Variants in TNR observed in about 807,000 individuals in gnomAD.
TNR encodes tenascin-R.
In TNR, 45 loss-of-function variants were observed where a neutral mutation model predicts 150.4. The observed-to-expected ratio is 0.30, with a 90% CI of 0.24 to 0.38. The LOEUF is 0.38. Among genes scored for constraint, TNR ranks in the 10% least tolerant of loss-of-function variants. TNR has a pLI of 1.00. For missense variants in TNR, 1,544 were observed against 1,759.1 expected, an observed-to-expected ratio of 0.88 and a Z score of 2.19; for synonymous variants, 687 against 678.4, an observed-to-expected ratio of 1.01 and a Z score of -0.20.
At chr1:175,406,098 G>C (rs61808374) in intron 3 of TNR, 118 bp downstream of exon 3, 92,689 of 1,359,406 alleles carry the variant, frequency 0.068, 3,637 homozygotes, top group Middle Eastern at 0.15. Flanking sequence ...GAGATGCCGG[G>C]GTTTTGCTGG....
chr1:175,373,698 G>A (rs528981168), intron 9 of TNR, among the ~76,000 whole-genome samples: 14 of 152,286 alleles, frequency 9.2e-5, no homozygotes, highest in African/African-American at 3.4e-4. Context: ...TTGTCATATA[G>A]GAGCATCCCT....
At chr1:175,671,928 T>TGC (rs1308370951) in intron 1 of TNR, among the ~76,000 whole-genome samples, 1 of 151,610 alleles carries the variant, frequency 6.6e-6, no homozygotes, top group African/African-American at 2.4e-5. Context: ...TGTGTGTGTG[T>TGC]GTGTGTGTGT....
In TNR at chr1:175,709,308, T is replaced by TACACACACACACACAC. The variant is rs371591261; in HGVS notation, c.-165+33902_-165+33917dup. ...TCCCTTGCTTTCACACACACACACA[T>TACACACACACACACAC]ACACACACACACACACACACACACA... On this transcript the variant is annotated intron_variant, in intron 1 of 22. Coordinates refer to ENST00000367674, the MANE Select transcript of TNR (RefSeq NM_003285.3). 1.8e-3 allele frequency among the ~76,000 whole-genome samples: 226 copies of TACACACACACACACAC among 127,822 alleles called. 5 individuals are homozygous for TACACACACACACACAC. The highest frequency in any genetic ancestry group is 6.2e-3 in the African/African-American group (202 of 32,668). The allele number at this position is 127,822 out of a possible 152,430, so 83.9% of individuals were successfully genotyped here. A position where few individuals can be genotyped will look rare whatever the true frequency, so the allele number is the denominator to read the frequency against.
At chr1:175,724,225 G>C (rs1045151396) in intron 1 of TNR, among the ~76,000 whole-genome samples, 1 of 152,190 alleles carries the variant, frequency 6.6e-6, no homozygotes, top group Non-Finnish European at 1.5e-5. Flanking sequence ...AGTTCTGCAG[G>C]CTGTACAGGA....
chr1:175,565,301 C>T (rs1306483633), intron 1 of TNR, among the ~76,000 whole-genome samples: 1 of 152,178 alleles, frequency 6.6e-6, no homozygotes, highest in Admixed American at 6.5e-5. Flanking sequence ...CCCATCCCCA[C>T]CAGAGGTGAC....
chr1:175,379,611 T>C lies in TNR; in HGVS notation c.1904A>G (p.Gln635Arg), dbSNP rs1652579478. Residue 635 changes from glutamine to arginine, a missense_variant, in exon 9 of 23, where the codon CAA (glutamine) becomes CGA (arginine). This residue lies in a region of TNR where 1,254 missense variants were observed against 1,329.4 expected (regional missense o/e 0.94). Transcript: ENST00000367674. ...KVVYSTLAGE[Q>R]YHEVLVPRGI... Reference sequence around the variant, plus strand: ...CCTGGGGACCAGTACCTCATGATATTGCTCACCCGCCAGGGTGCTGTACAC... The same window carrying C: ...CCTGGGGACCAGTACCTCATGATATCGCTCACCCGCCAGGGTGCTGTACAC... The C allele has an allele frequency of 1.9e-6, 3 of 1,613,990 alleles. No homozygotes were observed. In the South Asian group the frequency reaches 3.3e-5, roughly 18 times the overall value.
rs537398911 is a variant in TNR at position 175,696,839 on chromosome 1, A to T, written c.-165+46387T>A. The stretch of plus-strand genomic sequence containing the variant: ...GGTTACAGTGGGCCGAGATCGTGCC[A>T]TTGCACTTCAGCCTGGGCAACAAGA... On this transcript the variant is annotated intron_variant, in intron 1 of 22. Coordinates refer to ENST00000367674, the MANE Select transcript of TNR (RefSeq NM_003285.3). Among the ~76,000 whole-genome samples the T allele has an allele frequency of 2.3e-4, 35 of 150,180 alleles. No homozygotes were observed. The South Asian group carries it at 6.7e-3, about 29-fold the overall frequency.
At chr1:175,594,991 C>T (rs1662952915) in intron 1 of TNR, among the ~76,000 whole-genome samples, 1 of 151,628 alleles carries the variant, frequency 6.6e-6, no homozygotes, top group Non-Finnish European at 1.5e-5. Context: ...ATGGTGAAAC[C>T]CTGTCTCTAC....
At chr1:175,584,145 A>G (rs967297133) in intron 1 of TNR, among the ~76,000 whole-genome samples, 2 of 152,196 alleles carry the variant, frequency 1.3e-5, no homozygotes, top group African/African-American at 4.8e-5. Context: ...CCCCATTTGG[A>G]GACAGGATTT....
At chr1:175,714,247 C>G (rs1667094195) in intron 1 of TNR, among the ~76,000 whole-genome samples, 1 of 152,140 alleles carries the variant, frequency 6.6e-6, no homozygotes, top group Non-Finnish European at 1.5e-5. Context: ...CCCATGCTTT[C>G]TGCCTTCCCA....
intron 1 of TNR, among the ~76,000 whole-genome samples, chr1:175,560,360 C>A (rs1165166887): frequency 2.0e-5 from 3 of 152,218 alleles, no homozygotes; most frequent in African/African-American, 7.2e-5. Context: ...TGATTTATGA[C>A]AAGATGTTCT....
chr1:175,643,659 T>C (rs559911214), intron 1 of TNR, among the ~76,000 whole-genome samples: 1 of 152,328 alleles, frequency 6.6e-6, no homozygotes, highest in South Asian at 2.1e-4. Flanking sequence ...TAGAGAACTT[T>C]TAATTATTTT....
At chr1:175,483,969 C>T (rs139866085) in intron 2 of TNR, among the ~76,000 whole-genome samples, 1,678 of 152,310 alleles carry the variant, frequency 0.011, 17 homozygotes, top group Middle Eastern at 0.027. Context: ...ACCCTCACAT[C>T]GTGGTGCTGG....
chr1:175,556,385 C>G (rs1195554058), intron 1 of TNR, among the ~76,000 whole-genome samples: 4 of 152,218 alleles, frequency 2.6e-5, no homozygotes, highest in African/African-American at 9.6e-5. Flanking sequence ...TGGTACAGAA[C>G]CAAGCCTGAT....
At chr1:175,442,157 T>C (rs1033567940) in intron 2 of TNR, among the ~76,000 whole-genome samples, 3 of 152,214 alleles carry the variant, frequency 2.0e-5, no homozygotes, top group Non-Finnish European at 4.4e-5. Context: ...AATTTTAGTT[T>C]GCCTCATTGA....
intron 1 of TNR, among the ~76,000 whole-genome samples, chr1:175,606,063 G>T (rs560309767): frequency 2.0e-5 from 3 of 152,172 alleles, no homozygotes; most frequent in Non-Finnish European, 4.4e-5. Flanking sequence ...ATTCTTAAAC[G>T]GACAATAATT....
At chr1:175,637,015 G>T (rs541616122) in intron 1 of TNR, among the ~76,000 whole-genome samples, 4 of 152,304 alleles carry the variant, frequency 2.6e-5, no homozygotes, top group African/African-American at 9.6e-5. Flanking sequence ...AAATTTTATG[G>T]CAGTTTGGAA....
chr1:175,559,470 A>G (rs1160816793), intron 1 of TNR, among the ~76,000 whole-genome samples: 1 of 152,166 alleles, frequency 6.6e-6, no homozygotes, highest in Non-Finnish European at 1.5e-5. Flanking sequence ...TTTTTCCACC[A>G]CATACTACCT....
intron 20 of TNR, among the ~76,000 whole-genome samples, chr1:175,334,119 C>A (rs1028719450): frequency 6.6e-6 from 1 of 152,116 alleles, no homozygotes; most frequent in Non-Finnish European, 1.5e-5. Flanking sequence ...GATTAGCCAT[C>A]GCCCATATTT....
Sources: gnomAD v4.1 joint callset for allele counts (sites outside exome capture counted in the v4.1 genomes callset) on GRCh38, gnomAD v4.1.1 for gene constraint, gnomAD v4.1.1 regional missense constraint, MANE v1.5 for transcripts, NCBI Gene and HGNC (gene_info 2026-07-23, HGNC 2026-07-21) for gene names.